Variants in FOXN2 observed in about 807,000 individuals in gnomAD.
FOXN2 encodes the protein forkhead box protein N2.
Under a neutral mutation model 41.2 loss-of-function variants are expected in FOXN2, and 19 were observed. That is an observed-to-expected ratio of 0.46 (90% CI 0.32 to 0.68). FOXN2 has a LOEUF of 0.68. Among genes scored for constraint, FOXN2 ranks in the 30% least tolerant of loss-of-function variants. The pLI, the probability that FOXN2 is intolerant of heterozygous loss-of-function variation, is 0.03. For synonymous variants in FOXN2, 195 were observed against 176.8 expected (o/e 1.10, Z -0.82); for missense variants, 587 against 509.4 (o/e 1.15, Z -1.47).
Position 48,373,832 on chromosome 2 carries a change from A to C in FOXN2, c.772+472A>C, listed in dbSNP as rs567341394. On this transcript the variant is annotated intron_variant, in intron 6 of 6. Coordinates refer to ENST00000340553, the MANE Select transcript of FOXN2 (RefSeq NM_002158.4). ...ACTTTTGGGAGAACAAGGCAGGTGGATCACTTGAGACCAGGAGTTCCAGAT... is the reference window on the plus strand; with the variant it reads ...ACTTTTGGGAGAACAAGGCAGGTGGCTCACTTGAGACCAGGAGTTCCAGAT... 3.9e-4 allele frequency among the ~76,000 whole-genome samples: 60 copies of C among 152,236 alleles called. No homozygotes were observed. In the South Asian group the frequency reaches 7.1e-3, roughly 18 times the overall value.
At chr2:48,362,900 G>A (rs946620831) in intron 5 of FOXN2, among the ~76,000 whole-genome samples, 193 bp downstream of exon 5, 4 of 152,190 alleles carry the variant, frequency 2.6e-5, no homozygotes, top group Non-Finnish European at 4.4e-5. Context: ...TGGTGCAAGC[G>A]GACTCACTGC....
At chr2:48,336,735 G>T (rs1373695428) in intron 2 of FOXN2, among the ~76,000 whole-genome samples, 1 of 152,022 alleles carries the variant, frequency 6.6e-6, no homozygotes, top group East Asian at 1.9e-4. Context: ...TGTATATGGG[G>T]TTTAGGATAG....
chr2:48,356,079 G>A (rs1415622411), intron 3 of FOXN2, among the ~76,000 whole-genome samples: 5 of 152,014 alleles, frequency 3.3e-5, no homozygotes, highest in Admixed American at 2.0e-4. Context: ...AGCCAAGATC[G>A]TGCCACTGCA....
chr2:48,329,773 A>G (rs1276897322), intron 2 of FOXN2, among the ~76,000 whole-genome samples: 1 of 152,168 alleles, frequency 6.6e-6, no homozygotes, highest in African/African-American at 2.4e-5. Context: ...GAGAATCTTA[A>G]TCAAAACAAA....
intron 2 of FOXN2, among the ~76,000 whole-genome samples, chr2:48,329,767 A>C (rs1454856260): frequency 1.3e-5 from 2 of 152,178 alleles, no homozygotes; most frequent in Non-Finnish European, 2.9e-5. Context: ...ATAATGGAGA[A>C]TCTTAATCAA....
At chr2:48,364,067 T>TA (rs1294568991) in intron 5 of FOXN2, among the ~76,000 whole-genome samples, 10 of 152,332 alleles carry the variant, frequency 6.6e-5, no homozygotes, top group South Asian at 4.1e-4. Flanking sequence ...TTTTAATTCA[T>TA]AAAAAATTCA....
At chr2:48,321,742 TA>T (rs1212044149) in intron 1 of FOXN2, among the ~76,000 whole-genome samples, 1 of 152,072 alleles carries the variant, frequency 6.6e-6, no homozygotes, top group African/African-American at 2.4e-5. Flanking sequence ...AAAAAAAATC[TA>T]AAAAAATTTT....
chr2:48,331,116 GAAAGA>G (rs1373282855), intron 2 of FOXN2, among the ~76,000 whole-genome samples: 12 of 152,144 alleles, frequency 7.9e-5, no homozygotes, highest in Non-Finnish European at 5.9e-5. Context: ...AGGTAATAAG[GAAAGA>G]TATTCAGTGA....
At position 48,377,245 on chromosome 2, in the gene FOXN2, A is replaced by G. The variant is rs1673311790; in HGVS notation, c.*1802A>G. The G allele has an allele frequency of 6.6e-6, 1 of 151,916 alleles. No individual in the cohort carries two copies. The highest frequency in any genetic ancestry group is 2.1e-4 in the South Asian group (1 of 4,836). 9.4% of individuals were successfully genotyped at this position (151,916 alleles called of 1,614,324 possible). On this transcript the variant is annotated 3_prime_UTR_variant, in exon 7 of 7. Coordinates refer to ENST00000340553, the MANE Select transcript of FOXN2 (RefSeq NM_002158.4). ...TTTTTTTTTTAGATCGATCACATCTACAGAAAATGGCTAAACCAAGTTAAC... is the reference window on the plus strand; with the variant it reads ...TTTTTTTTTTAGATCGATCACATCTGCAGAAAATGGCTAAACCAAGTTAAC...
chr2:48,349,646 A>G (rs745422096), intron 3 of FOXN2, among the ~76,000 whole-genome samples: 65 of 152,142 alleles, frequency 4.3e-4, no homozygotes, highest in Non-Finnish European at 5.3e-4. Context: ...ATGGTGGCAT[A>G]TGCCTGTAAT....
chr2:48,327,181 T>TAAAAC (rs149285586), intron 1 of FOXN2, among the ~76,000 whole-genome samples: 126 of 151,874 alleles, frequency 8.3e-4, no homozygotes, highest in South Asian at 3.3e-3. Context: ...AACAGGTTTT[T>TAAAAC]AAAACAAAAC....
At position 48,378,561 on chromosome 2, in the gene FOXN2, A is replaced by G. The variant is rs1673385181; in HGVS notation, c.*3118A>G. On this transcript the variant is annotated 3_prime_UTR_variant, in exon 7 of 7. Transcript: ENST00000340553. The stretch of plus-strand genomic sequence containing the variant: ...TTTAAGCAACAGATGTGAATACTTC[A>G]CAAAGCTGTAAAGACCATTGTCTTA... 6.6e-6 allele frequency: 1 copy of G among 152,396 alleles called. No homozygotes were observed. The highest frequency in any genetic ancestry group is 2.4e-5 in the African/African-American group (1 of 41,408). The allele number at this position is 152,396 out of a possible 1,614,324, so 9.4% of individuals were successfully genotyped here.
At chr2:48,364,564 A>G (rs1450241086) in intron 5 of FOXN2, among the ~76,000 whole-genome samples, 3 of 151,938 alleles carry the variant, frequency 2.0e-5, no homozygotes, top group Admixed American at 2.0e-4. Flanking sequence ...TTTTCCATTT[A>G]TTTTTATGGG....
At chr2:48,358,002 A>G (rs1671920688) in intron 3 of FOXN2, among the ~76,000 whole-genome samples, 1 of 152,080 alleles carries the variant, frequency 6.6e-6, no homozygotes, top group Non-Finnish European at 1.5e-5. Context: ...TATGACAACC[A>G]TGGTTTTTCT....
chr2:48,350,469 C>A (rs573125270), intron 3 of FOXN2, among the ~76,000 whole-genome samples: 1 of 152,306 alleles, frequency 6.6e-6, no homozygotes, highest in Non-Finnish European at 1.5e-5. Flanking sequence ...AACAGCCATC[C>A]TTTGCCTGGG....
In FOXN2 at chr2:48,314,754, G is replaced by C. The variant is rs183800408; in HGVS notation, c.-217G>C. 1.3e-5 allele frequency: 2 copies of C among 152,410 alleles called. No individual in the cohort carries two copies. Among genetic ancestry groups the C allele is most frequent in the East Asian group, 3.9e-4 (2 of 5,186 alleles). 9.4% of individuals were successfully genotyped at this position (152,410 alleles called of 1,614,324 possible). On this transcript the variant is annotated 5_prime_UTR_variant, in exon 1 of 7. Coordinates refer to ENST00000340553, the MANE Select transcript of FOXN2 (RefSeq NM_002158.4). ...CTGCTGGAAGCTGCAGGGAACAGCT[G>C]CGGTGCTCTGCCATATTGTGTCTTC...
chr2:48,330,744 A>G (rs1458484617), intron 2 of FOXN2, among the ~76,000 whole-genome samples: 2 of 150,038 alleles, frequency 1.3e-5, no homozygotes, highest in Non-Finnish European at 3.0e-5. Flanking sequence ...AAAAAGAATT[A>G]GAGATAGTAA....
At chr2:48,349,060 T>C (rs1671288046) in intron 3 of FOXN2, among the ~76,000 whole-genome samples, 1 of 152,184 alleles carries the variant, frequency 6.6e-6, no homozygotes. Context: ...CTCCATCTAC[T>C]CAATATAGAG....
intron 1 of FOXN2, 144 bp from the exon 2 acceptor site, chr2:48,328,417 T>TA (rs1669819569): frequency 6.6e-6 from 1 of 152,226 alleles, no homozygotes; most frequent in Non-Finnish European, 1.5e-5. Context: ...CTAGATTACT[T>TA]ATAATACCTA....
Sources: allele counts gnomAD v4.1 joint callset (sites outside exome capture counted in the v4.1 genomes callset), GRCh38; gene constraint gnomAD v4.1.1; transcripts MANE v1.5; gene names NCBI Gene and HGNC (gene_info 2026-07-23, HGNC 2026-07-21).